Variants in SUPT3H observed in about 807,000 individuals in gnomAD.
SUPT3H encodes SPT3 homolog, SAGA and STAGA complex component, also known as transcription initiation protein SPT3 homolog.
A neutral mutation model predicts 44.3 loss-of-function variants in SUPT3H; 44 were observed. That is an observed-to-expected ratio of 0.99 (90% confidence interval 0.78 to 1.28). SUPT3H has a LOEUF of 1.28. SUPT3H is among the 50% of genes most tolerant of loss of function. The pLI, the probability that SUPT3H is intolerant of heterozygous loss-of-function variation, is 0.00. For synonymous variants in SUPT3H, 124 were observed against 125.6 expected, an observed-to-expected ratio of 0.99 and a Z score of 0.09; for missense variants, 380 against 387.1, an observed-to-expected ratio of 0.98 and a Z score of 0.15.
chr6:45,315,647 G>A (rs372507002), intron 2 of SUPT3H, among the ~76,000 whole-genome samples: 2 of 152,084 alleles, frequency 1.3e-5, no homozygotes, highest in Non-Finnish European at 2.9e-5. Context: ...GCATGGATGC[G>A]GTGAACAGGG....
intron 2 of SUPT3H, among the ~76,000 whole-genome samples, chr6:45,124,475 C>A (rs2038766): frequency 2.6e-5 from 4 of 151,136 alleles, no homozygotes; most frequent in Admixed American, 6.6e-5. Context: ...GAAACCCCCC[C>A]CTCTACTAAA....
chr6:45,153,611 C>T (rs1807301740), intron 2 of SUPT3H, among the ~76,000 whole-genome samples: 1 of 152,174 alleles, frequency 6.6e-6, no homozygotes, highest in Non-Finnish European at 1.5e-5. Context: ...TGGCCCACAC[C>T]TGTAATCCCA....
At chr6:45,056,873 A>T (rs993401699) in intron 3 of SUPT3H, among the ~76,000 whole-genome samples, 2 of 152,180 alleles carry the variant, frequency 1.3e-5, no homozygotes, top group Non-Finnish European at 2.9e-5. Flanking sequence ...TTCCAGTCTT[A>T]AACAACAACA....
At chr6:44,829,975 A>G in intron 10 of SUPT3H, 118 bp from the exon 11 acceptor site, 1 of 874,482 alleles carries the variant, frequency 1.1e-6, no homozygotes, top group Non-Finnish European at 1.9e-6. Context: ...ACAATCTAAT[A>G]GAATGCTTAA....
intron 10 of SUPT3H, among the ~76,000 whole-genome samples, chr6:44,843,510 A>G (rs947575858): frequency 3.9e-5 from 6 of 152,206 alleles, no homozygotes; most frequent in Admixed American, 2.6e-4. Context: ...ATCTACAGAA[A>G]ACTTACTGGA....
intron 2 of SUPT3H, among the ~76,000 whole-genome samples, chr6:45,139,684 G>A (rs1804857602): frequency 6.6e-6 from 1 of 152,070 alleles, no homozygotes; most frequent in Non-Finnish European, 1.5e-5. Context: ...ATGTATTAGG[G>A]AGCCACACGA....
At chr6:44,839,876 A>G (rs1275900224) in intron 10 of SUPT3H, among the ~76,000 whole-genome samples, 1 of 152,030 alleles carries the variant, frequency 6.6e-6, no homozygotes, top group Non-Finnish European at 1.5e-5. Context: ...TACTTTTTGT[A>G]TTTTTAGTAG....
chr6:45,294,221 T>C (rs528146177), intron 2 of SUPT3H, among the ~76,000 whole-genome samples: 1 of 151,752 alleles, frequency 6.6e-6, no homozygotes, highest in East Asian at 1.9e-4. Flanking sequence ...ATAAACAGAA[T>C]TAAAAATCAC....
At chr6:44,997,988 C>T (rs967903133) in intron 6 of SUPT3H, among the ~76,000 whole-genome samples, 1 of 151,778 alleles carries the variant, frequency 6.6e-6, no homozygotes, top group African/African-American at 2.4e-5. Flanking sequence ...AAAAATCCTA[C>T]TCAGTTGTGA....
At chr6:45,282,966 T>A (rs567215118) in intron 2 of SUPT3H, among the ~76,000 whole-genome samples, 1 of 152,124 alleles carries the variant, frequency 6.6e-6, no homozygotes, top group Non-Finnish European at 1.5e-5. Flanking sequence ...TAACCCAGAA[T>A]TTCATATCCA....
intron 10 of SUPT3H, among the ~76,000 whole-genome samples, chr6:44,901,501 C>G (rs371075308): frequency 6.6e-6 from 1 of 152,012 alleles, no homozygotes; most frequent in African/African-American, 2.4e-5. Flanking sequence ...CGAACAAAGC[C>G]TCCAAGAAAT....
chr6:45,013,463 G>C (rs78663168), intron 5 of SUPT3H, among the ~76,000 whole-genome samples: 3 of 152,156 alleles, frequency 2.0e-5, no homozygotes, highest in African/African-American at 7.2e-5. Context: ...TGAAGCTGAG[G>C]GTGGACCTGC....
At chr6:45,030,090 TTAAC>T (rs1201640065) in intron 3 of SUPT3H, among the ~76,000 whole-genome samples, 1 of 151,244 alleles carries the variant, frequency 6.6e-6, no homozygotes, top group Non-Finnish European at 1.5e-5. Context: ...TATTTAGTAT[TTAAC>T]TATTGAAATG....
chr6:45,124,263 G>GT (rs1259464450), intron 2 of SUPT3H, among the ~76,000 whole-genome samples: 1 of 140,674 alleles, frequency 7.1e-6, no homozygotes, highest in Admixed American at 6.9e-5. Context: ...CTGTTCCACT[G>GT]TTAAAAAAAA....
At chr6:45,017,363 C>G (rs1320353393) in intron 4 of SUPT3H, among the ~76,000 whole-genome samples, 44 of 150,464 alleles carry the variant, frequency 2.9e-4, no homozygotes, top group East Asian at 5.9e-4. Flanking sequence ...GATCCCATTT[C>G]TCAATTTTGG....
At chr6:45,171,181 A>G (rs1020999026) in intron 2 of SUPT3H, among the ~76,000 whole-genome samples, 2 of 152,304 alleles carry the variant, frequency 1.3e-5, no homozygotes, top group Middle Eastern at 3.4e-3. Context: ...TTTTGTATCT[A>G]TATTAGTTTT....
At position 45,269,328 on chromosome 6, in the gene SUPT3H, T is replaced by C. The variant is rs142070304; in HGVS notation, c.101+95873A>G. On this transcript the variant is annotated intron_variant, in intron 2 of 10. Transcript: ENST00000371459. ...CACATTCCTCATTTGTTTAACACCATTTTATCAAGAAGCATCTGAAGGAAA... is the reference window on the plus strand; with the variant it reads ...CACATTCCTCATTTGTTTAACACCACTTTATCAAGAAGCATCTGAAGGAAA... Among the ~76,000 whole-genome samples, 35 of 152,306 alleles carry C rather than the reference T, an allele frequency of 2.3e-4. No homozygotes were observed. In the East Asian group the frequency reaches 6.2e-3, roughly 27 times the overall value.
At chr6:44,945,535 C>T (rs928185984) in intron 9 of SUPT3H, among the ~76,000 whole-genome samples, 1 of 152,144 alleles carries the variant, frequency 6.6e-6, no homozygotes, top group African/African-American at 2.4e-5. Flanking sequence ...GAAGGTGAAA[C>T]AGCCTTATTG....
intron 2 of SUPT3H, among the ~76,000 whole-genome samples, chr6:45,302,196 CTCCCATCATGCAAGCAG>C (rs1782235472): frequency 6.6e-6 from 1 of 151,934 alleles, no homozygotes; most frequent in Non-Finnish European, 1.5e-5. Context: ...GATTATGATG[CTCCCATCATGCAAGCAG>C]TATACACTGA....
Sources: allele counts gnomAD v4.1 joint callset (sites outside exome capture counted in the v4.1 genomes callset), GRCh38; gene constraint gnomAD v4.1.1; transcripts MANE v1.5; gene names NCBI Gene and HGNC (gene_info 2026-07-23, HGNC 2026-07-21).